OR3A2: variants seen among roughly 807,000 people sequenced by gnomAD.
OR3A2 encodes olfactory receptor family 3 subfamily A member 2.
For synonymous variants in OR3A2, 126 were observed against 159.3 expected (o/e 0.79, Z 1.57); for missense variants, 318 against 392.8 (o/e 0.81, Z 1.61).
At chr17:3,316,482 A>C (rs927577883) in intron 3 of OR3A2, among the ~76,000 whole-genome samples, 2 of 152,242 alleles carry the variant, frequency 1.3e-5, no homozygotes, top group African/African-American at 4.8e-5. Context: ...CAGCCCAGAG[A>C]AAAGCTCTAC....
At chr17:3,386,023 C>T (rs1435646372) in intron 1 of OR3A2, 102 bp downstream of exon 1, 1 of 398,814 alleles carries the variant, frequency 2.5e-6, no homozygotes, top group African/African-American at 2.1e-5. Context: ...CCTGCTCTGC[C>T]TTGGCATCTA....
chr17:3,361,321 T>C (rs1165129707), intron 2 of OR3A2, among the ~76,000 whole-genome samples: 2 of 151,594 alleles, frequency 1.3e-5, no homozygotes, highest in Non-Finnish European at 2.9e-5. Context: ...TGGGCTGACA[T>C]GATGGGGTTT....
intron 3 of OR3A2, among the ~76,000 whole-genome samples, chr17:3,308,822 C>T (rs2049017923): frequency 6.6e-6 from 1 of 152,158 alleles, no homozygotes; most frequent in Admixed American, 6.5e-5. Flanking sequence ...GTCTCCAACT[C>T]CACCCCTTCC....
chr17:3,361,058 T>C lies in OR3A2; in HGVS notation c.-179+22746A>G, dbSNP rs552861055. ...ATTCTTCCTACCCATGAGCATGGAA[T>C]GTTCTTCCATTTGTTTGTGTCCTCT... On this transcript the variant is annotated intron_variant, in intron 2 of 4. Transcript: ENST00000573491. Among the ~76,000 whole-genome samples, 24 of 151,700 alleles carry C rather than the reference T, an allele frequency of 1.6e-4. No individual in the cohort carries two copies. The East Asian group carries it at 4.4e-3, about 28-fold the overall frequency.
intron 2 of OR3A2, among the ~76,000 whole-genome samples, chr17:3,338,467 T>C (rs929736025): frequency 6.6e-6 from 1 of 152,212 alleles, no homozygotes; most frequent in Non-Finnish European, 1.5e-5. Context: ...AAGGAAGGGA[T>C]CCAGTTTCAG....
intron 3 of OR3A2, among the ~76,000 whole-genome samples, chr17:3,317,062 T>C (rs2049086781): frequency 6.6e-6 from 1 of 152,162 alleles, no homozygotes; most frequent in Admixed American, 6.5e-5. Flanking sequence ...CTATGAGCTA[T>C]TAAACGGACA....
At chr17:3,327,849 C>A (rs981442538) in intron 3 of OR3A2, among the ~76,000 whole-genome samples, 1 of 137,924 alleles carries the variant, frequency 7.3e-6, no homozygotes, top group African/African-American at 2.9e-5. Flanking sequence ...TCAGGTTTGT[C>A]AAAGATCAGA....
At chr17:3,306,105 A>T (rs1451509643) in intron 3 of OR3A2, among the ~76,000 whole-genome samples, 1 of 152,184 alleles carries the variant, frequency 6.6e-6, no homozygotes, top group Non-Finnish European at 1.5e-5. Context: ...AGAACAAGCC[A>T]ACAGTGGCTG....
intron 3 of OR3A2, among the ~76,000 whole-genome samples, chr17:3,300,021 G>A (rs1659996355): frequency 6.6e-6 from 1 of 151,786 alleles, no homozygotes; most frequent in African/African-American, 2.4e-5. Context: ...AGGAATTTGA[G>A]GCTCGGGGAA....
intron 2 of OR3A2, among the ~76,000 whole-genome samples, chr17:3,340,773 T>C (rs1471726737): frequency 6.6e-6 from 1 of 152,160 alleles, no homozygotes; most frequent in African/African-American, 2.4e-5. Context: ...TGTAGATGTC[T>C]ATTAGGTCCA....
intron 2 of OR3A2, among the ~76,000 whole-genome samples, chr17:3,366,423 T>C (rs1156794911): frequency 6.6e-6 from 1 of 152,188 alleles, no homozygotes; most frequent in Non-Finnish European, 1.5e-5. Context: ...TCTCAAAGGC[T>C]GAAAATATTT....
intron 3 of OR3A2, among the ~76,000 whole-genome samples, chr17:3,312,451 A>G (rs1216296524): frequency 6.6e-6 from 1 of 152,168 alleles, no homozygotes; most frequent in Non-Finnish European, 1.5e-5. Context: ...GAGCAACATC[A>G]TCAAACACCT....
At chr17:3,362,122 A>T (rs1296364467) in intron 2 of OR3A2, among the ~76,000 whole-genome samples, 1 of 151,514 alleles carries the variant, frequency 6.6e-6, no homozygotes, top group Non-Finnish European at 1.5e-5. Flanking sequence ...CAGAGATTCA[A>T]CTTCTTCCTG....
chr17:3,328,983 C>T (rs1240007815), intron 3 of OR3A2, among the ~76,000 whole-genome samples: 1 of 151,148 alleles, frequency 6.6e-6, no homozygotes, highest in Non-Finnish European at 1.5e-5. Flanking sequence ...TGGTTTTTGT[C>T]TTTGGCTCTG....
intron 2 of OR3A2, among the ~76,000 whole-genome samples, chr17:3,375,939 T>C (rs966738171): frequency 6.6e-6 from 1 of 152,240 alleles, no homozygotes; most frequent in Non-Finnish European, 1.5e-5. Flanking sequence ...CAAAGAGTCC[T>C]GTGATGTGAT....
chr17:3,333,120 A>G (rs2049252644), intron 3 of OR3A2, among the ~76,000 whole-genome samples: 2 of 152,194 alleles, frequency 1.3e-5, no homozygotes, highest in Admixed American at 1.3e-4. Flanking sequence ...AATATTAAAT[A>G]TTAAGACCCT....
At chr17:3,373,644 A>G (rs970187942) in intron 2 of OR3A2, among the ~76,000 whole-genome samples, 2 of 152,130 alleles carry the variant, frequency 1.3e-5, no homozygotes, top group Non-Finnish European at 2.9e-5. Flanking sequence ...ATTTGCATGG[A>G]ATATTTTTTT....
chr17:3,323,776 T>C (rs557119126), intron 3 of OR3A2, among the ~76,000 whole-genome samples: 2 of 152,274 alleles, frequency 1.3e-5, no homozygotes, highest in Non-Finnish European at 2.9e-5. Flanking sequence ...CCTTTCTCTC[T>C]GGCTGCCCTT....
intron 3 of OR3A2, among the ~76,000 whole-genome samples, chr17:3,326,000 C>A (rs937136114): frequency 6.6e-6 from 1 of 152,014 alleles, no homozygotes; most frequent in East Asian, 1.9e-4. Flanking sequence ...TCCATGTGCT[C>A]TCATAGTTCA....
Sources: gnomAD v4.1 joint callset for allele counts (sites outside exome capture counted in the v4.1 genomes callset) on GRCh38, gnomAD v4.1.1 for gene constraint, MANE v1.5 for transcripts, NCBI Gene and HGNC (gene_info 2026-07-23, HGNC 2026-07-21) for gene names.